EPHA6: variants seen among roughly 807,000 people sequenced by gnomAD.
EPHA6 encodes the protein ephrin type-A receptor 6.
In EPHA6, 50 loss-of-function variants were observed where a neutral mutation model predicts 112.0. The ratio of observed to expected loss-of-function variants is 0.45; its 90% CI spans 0.36 to 0.56. EPHA6 has a LOEUF of 0.56. Among genes scored for constraint, EPHA6 ranks in the 20% least tolerant of loss-of-function variants. EPHA6 has a pLI of 0.00. For missense variants in EPHA6, 1,280 were observed against 1,417.4 expected, an observed-to-expected ratio of 0.90 and a Z score of 1.56; for synonymous variants, 529 against 490.7, an observed-to-expected ratio of 1.08 and a Z score of -1.03.
chr3:97,345,891 T>C (rs1370848897), intron 5 of EPHA6, among the ~76,000 whole-genome samples: 1 of 152,128 alleles, frequency 6.6e-6, no homozygotes, highest in South Asian at 2.1e-4. Flanking sequence ...AAAGTATTCA[T>C]AGATTTTATT....
chr3:97,341,804 G>A (rs529120343), intron 5 of EPHA6, among the ~76,000 whole-genome samples: 6 of 152,136 alleles, frequency 3.9e-5, no homozygotes, highest in Middle Eastern at 3.4e-3. Flanking sequence ...GTACCTTTCC[G>A]TGTTCCATGC....
chr3:97,386,846 C>T (rs998299225), intron 5 of EPHA6, among the ~76,000 whole-genome samples: 2 of 152,220 alleles, frequency 1.3e-5, no homozygotes, highest in African/African-American at 4.8e-5. Flanking sequence ...TGTTTCCATA[C>T]ATCCTCTGAA....
intron 5 of EPHA6, among the ~76,000 whole-genome samples, chr3:97,394,832 G>T (rs2086610279): frequency 6.6e-6 from 1 of 151,878 alleles, no homozygotes; most frequent in South Asian, 2.1e-4. Flanking sequence ...TGTTGGGAAT[G>T]TAAATTAGTA....
intron 14 of EPHA6, among the ~76,000 whole-genome samples, chr3:97,651,947 C>T (rs915253187): frequency 1.3e-5 from 2 of 151,770 alleles, no homozygotes; most frequent in African/African-American, 4.8e-5. Flanking sequence ...TATAAATGAT[C>T]CCACCACCCA....
chr3:97,179,717 G>C (rs1212340673), intron 3 of EPHA6, among the ~76,000 whole-genome samples: 1 of 119,110 alleles, frequency 8.4e-6, no homozygotes, highest in Non-Finnish European at 1.7e-5. Context: ...AACCTACAGA[G>C]TCTCTCTCTC....
intron 1 of EPHA6, among the ~76,000 whole-genome samples, chr3:96,840,707 C>T (rs2034691314): frequency 6.6e-6 from 1 of 152,016 alleles, no homozygotes. Flanking sequence ...AAAGAAAGTA[C>T]TGAGTCCTGA....
At chr3:97,641,002 T>C (rs1216959978) in intron 14 of EPHA6, among the ~76,000 whole-genome samples, 2 of 152,094 alleles carry the variant, frequency 1.3e-5, no homozygotes, top group Non-Finnish European at 2.9e-5. Context: ...CAATAATTAA[T>C]TGGATATTAA....
intron 3 of EPHA6, among the ~76,000 whole-genome samples, chr3:97,024,494 T>C (rs2044567922): frequency 6.6e-6 from 1 of 152,146 alleles, no homozygotes; most frequent in African/African-American, 2.4e-5. Flanking sequence ...GTTAAACACT[T>C]TAAGTTCCCA....
intron 2 of EPHA6, among the ~76,000 whole-genome samples, chr3:96,926,849 G>T (rs542938792): frequency 4.6e-5 from 7 of 152,314 alleles, no homozygotes; most frequent in African/African-American, 1.7e-4. Context: ...GGTGCACTGT[G>T]CAAACTGTCA....
chr3:97,606,405 G>C (rs1452229331), intron 12 of EPHA6, among the ~76,000 whole-genome samples: 1 of 151,326 alleles, frequency 6.6e-6, no homozygotes, highest in African/African-American at 2.4e-5. Flanking sequence ...AGTGGCAACA[G>C]ATTTTATGTA....
At chr3:97,138,711 A>T (rs77937179) in intron 3 of EPHA6, among the ~76,000 whole-genome samples, 11,774 of 152,258 alleles carry the variant, frequency 0.077, 745 homozygotes, top group Admixed American at 0.21. Context: ...AATACAGAAA[A>T]GATCATGGTG....
intron 3 of EPHA6, among the ~76,000 whole-genome samples, chr3:97,106,630 C>A (rs996530038): frequency 6.6e-6 from 1 of 152,070 alleles, no homozygotes; most frequent in African/African-American, 2.4e-5. Context: ...AGGTGAGAAA[C>A]CCCAGGATAC....
chr3:97,515,896 AACTC>A lies in EPHA6; in HGVS notation c.2201-16454_2201-16451del. ...TGAAAAAAAATGATGTTTTTTTCTT[AACTC>A]ACTCACTGAAGAAATCCTTAACCAC... On this transcript the variant is annotated intron_variant, in intron 10 of 17. Coordinates refer to ENST00000389672, the MANE Select transcript of EPHA6 (RefSeq NM_001080448.3). 1.3e-5 allele frequency among the ~76,000 whole-genome samples: 2 copies of A among 151,980 alleles called. 1 individual carries two copies. Among genetic ancestry groups the A allele is most frequent in the East Asian group, 3.9e-4 (2 of 5,192 alleles).
At chr3:96,845,828 C>T (rs1340310370) in intron 1 of EPHA6, among the ~76,000 whole-genome samples, 2 of 151,706 alleles carry the variant, frequency 1.3e-5, no homozygotes, top group African/African-American at 4.8e-5. Flanking sequence ...ATTATAGGTC[C>T]GGGATATATT....
intron 3 of EPHA6, among the ~76,000 whole-genome samples, chr3:97,014,513 G>A (rs2044201546): frequency 1.3e-5 from 2 of 151,818 alleles, no homozygotes; most frequent in South Asian, 2.1e-4. Flanking sequence ...GGAGGAAATG[G>A]AGAAAATTAT....
At chr3:97,559,171 A>T (rs1012913386) in intron 11 of EPHA6, among the ~76,000 whole-genome samples, 1 of 152,044 alleles carries the variant, frequency 6.6e-6, no homozygotes, top group African/African-American at 2.4e-5. Flanking sequence ...AACTGCTAGT[A>T]TTACCAATTT....
chr3:97,101,789 AGATT>A (rs1440790685), intron 3 of EPHA6, among the ~76,000 whole-genome samples: 1 of 152,098 alleles, frequency 6.6e-6, no homozygotes, highest in Non-Finnish European at 1.5e-5. Context: ...TTAATGCAAA[AGATT>A]GATTAAATAT....
chr3:96,882,038 T>C (rs1002265516), intron 2 of EPHA6, among the ~76,000 whole-genome samples: 1 of 152,136 alleles, frequency 6.6e-6, no homozygotes. Context: ...TGCCATTGAG[T>C]GTCTACAGCT....
chr3:97,403,412 T>C (rs1207192630), intron 5 of EPHA6, among the ~76,000 whole-genome samples: 1 of 152,138 alleles, frequency 6.6e-6, no homozygotes, highest in Non-Finnish European at 1.5e-5. Context: ...CTTCATTTGA[T>C]GATTCTGTTG....
Sources: allele counts gnomAD v4.1 joint callset (sites outside exome capture counted in the v4.1 genomes callset), GRCh38; gene constraint gnomAD v4.1.1; transcripts MANE v1.5; gene names NCBI Gene and HGNC (gene_info 2026-07-23, HGNC 2026-07-21).